LRRC3C: variants seen among roughly 807,000 people sequenced by gnomAD.
LRRC3C encodes the protein leucine-rich repeat-containing protein 3C.
In LRRC3C, 11 loss-of-function variants were observed where a neutral mutation model predicts 14.8. The observed-to-expected ratio is 0.74, with a 90% CI of 0.47 to 1.23. The LOEUF is 1.23. Among genes scored for constraint, LRRC3C ranks in the 50% most tolerant of loss-of-function variants. The pLI is 0.00. For synonymous variants in LRRC3C, 149 were observed against 161.5 expected (o/e 0.92, Z 0.59); for missense variants, 354 against 361.8 (o/e 0.98, Z 0.18).
intron 1 of LRRC3C, among the ~76,000 whole-genome samples, chr17:39,932,537 C>CG (rs1207393925): frequency 1.5e-5 from 2 of 137,538 alleles, no homozygotes; most frequent in African/African-American, 5.4e-5. Context: ...ACCCCCCCCC[C>CG]ACCCAACCAC....
Position 39,941,539 on chromosome 17 carries a change from TC to T in LRRC3C, c.17del (p.Ser6PhefsTer30). 1 of 1,535,766 alleles carries T rather than the reference TC, an allele frequency of 6.5e-7. No homozygotes were observed. The highest frequency in any genetic ancestry group is 8.7e-7 in the Non-Finnish European group (1 of 1,146,740). On this transcript the variant is annotated frameshift_variant, in exon 3 of 4. Coordinates refer to ENST00000377924, the MANE Select transcript of LRRC3C (RefSeq NM_001195545.2). LOFTEE classifies it high-confidence loss of function. Reference protein sequence around the residue: MRMTSSSFVSYCTPGL... With the variant: MRMTSXSFVSYCTPGL... ...AAGGTCTCCAATGCGTATGACCTCA[TC>T]TTCCTTCGTGTAAGTATATCCACCC...
At chr17:39,941,814 T>C (rs1978949107) in intron 3 of LRRC3C, among the ~76,000 whole-genome samples, 2 of 152,200 alleles carry the variant, frequency 1.3e-5, no homozygotes, top group Admixed American at 6.5e-5. Flanking sequence ...GTAACTCTGG[T>C]CACATTCTGG....
rs1226157498 is a variant in LRRC3C, at chr17:39,941,567, T to C, written c.26+18T>C. On this transcript the variant is annotated intron_variant, in intron 3 of 3. Transcript: ENST00000377924. ...TCCTTCGTGTAAGTATATCCACCCC[T>C]AGTCTCTGTGACACCCCACTCTCCT... 2.0e-6 allele frequency: 3 copies of C among 1,534,460 alleles called. No homozygotes were observed. The highest frequency in any genetic ancestry group is 2.6e-6 in the Non-Finnish European group (3 of 1,145,566).
At chr17:39,931,677 TCTCA>T (rs1978655415) in intron 1 of LRRC3C, among the ~76,000 whole-genome samples, 1 of 140,542 alleles carries the variant, frequency 7.1e-6, no homozygotes, top group Non-Finnish European at 1.5e-5. Context: ...TGAGACAGAG[TCTCA>T]CTCTGTCACC....
chr17:39,940,749 TTCTTTTTTTTGAGACAGGG>T lies in LRRC3C; in HGVS notation c.-81-689_-81-671del, dbSNP rs371458012. On this transcript the variant is annotated intron_variant, in intron 2 of 3. Transcript: ENST00000377924. ...TGAGCCACTGCACCCAGCCTTGAAA[TTCTTTTTTTTGAGACAGGG>T]TCTTAATGCGTCACCTAGGCTGGAG... 6.0e-3 allele frequency among the ~76,000 whole-genome samples: 912 copies of T among 152,088 alleles called. 10 individuals carry two copies. Among genetic ancestry groups the T allele is most frequent in the African/African-American group, 0.021 (877 of 41,504 alleles).
At chr17:39,932,527 A>ACCCCCCCCCCCCCCCCCCCC (rs147624649) in intron 1 of LRRC3C, among the ~76,000 whole-genome samples, 1 of 71,314 alleles carries the variant, frequency 1.4e-5, no homozygotes, top group Non-Finnish European at 2.8e-5. Flanking sequence ...ACGTAATGAG[A>ACCCCCCCCCCCCCCCCCCCC]CCCCCCCCCC....
At chr17:39,936,623 C>T (rs1227385195) in intron 2 of LRRC3C, among the ~76,000 whole-genome samples, 3 of 149,212 alleles carry the variant, frequency 2.0e-5, no homozygotes, top group African/African-American at 5.0e-5. Context: ...CTCAATATGA[C>T]CAAACCTCAT....
intron 3 of LRRC3C, among the ~76,000 whole-genome samples, chr17:39,942,906 A>G (rs375108530): frequency 6.6e-5 from 10 of 152,314 alleles, no homozygotes; most frequent in East Asian, 3.9e-4. Context: ...CCAAGCAGGG[A>G]TCCTTCTGCC....
intron 2 of LRRC3C, among the ~76,000 whole-genome samples, chr17:39,937,326 C>T (rs1017461057): frequency 1.3e-5 from 2 of 151,990 alleles, no homozygotes; most frequent in African/African-American, 2.4e-5. Context: ...ATCCCAGCTA[C>T]TCCGGAGGCT....
chr17:39,930,644 G>A (rs972440176), intron 1 of LRRC3C, among the ~76,000 whole-genome samples: 20 of 128,636 alleles, frequency 1.6e-4, no homozygotes, highest in African/African-American at 5.9e-4. Flanking sequence ...GGAGGCAGAG[G>A]TTGTAGTGAG....
chr17:39,937,889 T>C (rs1392165537), intron 2 of LRRC3C, among the ~76,000 whole-genome samples: 4 of 152,092 alleles, frequency 2.6e-5, no homozygotes, highest in Non-Finnish European at 5.9e-5. Context: ...CCCAGCACTT[T>C]GGGAGGCTGA....
At chr17:39,930,713 A>C (rs2058610044) in intron 1 of LRRC3C, among the ~76,000 whole-genome samples, 1 of 150,968 alleles carries the variant, frequency 6.6e-6, no homozygotes, top group Non-Finnish European at 1.5e-5. Flanking sequence ...TGTCTCAAAA[A>C]AAAAAAAAAA....
intron 2 of LRRC3C, among the ~76,000 whole-genome samples, chr17:39,938,192 C>T (rs1425517824): frequency 6.6e-6 from 1 of 152,146 alleles, no homozygotes; most frequent in African/African-American, 2.4e-5. Context: ...CAGGCATCAG[C>T]AGTTTTCAAA....
rs183381164 is a variant in LRRC3C, at chr17:39,933,748, A to G, written c.-174-2054A>G. 1.2e-4 allele frequency among the ~76,000 whole-genome samples: 19 copies of G among 152,234 alleles called. No homozygotes were observed. The East Asian group carries it at 3.7e-3, about 29-fold the overall frequency. On this transcript the variant is annotated intron_variant, in intron 1 of 3. Transcript: ENST00000377924. The stretch of plus-strand genomic sequence containing the variant: ...ACTCCGTCTCAAAAAAAAAGAAAAG[A>G]AAAAAGAAACAGAGCCCCTTCCCCT...
rs1227778035 is a variant in LRRC3C at position 39,944,803 on chromosome 17, C to G, written c.*69C>G. On this transcript the variant is annotated 3_prime_UTR_variant, in exon 4 of 4. Transcript: ENST00000377924. The stretch of plus-strand genomic sequence containing the variant: ...TATGCCCTCTCCTTTGCTCTGACCC[C>G]CTCTGCCTCCTGTGCAGCTTCACCC... 1.5e-5 allele frequency: 21 copies of G among 1,410,918 alleles called. No individual in the cohort carries two copies. The highest frequency in any genetic ancestry group is 1.8e-5 in the Non-Finnish European group (19 of 1,044,188). 87.4% of individuals were successfully genotyped at this position (1,410,918 alleles called of 1,614,324 possible).
intron 2 of LRRC3C, among the ~76,000 whole-genome samples, chr17:39,936,606 C>G (rs1306363319): frequency 6.7e-6 from 1 of 149,746 alleles, no homozygotes; most frequent in Non-Finnish European, 1.5e-5. Context: ...AGTTTGAAAC[C>G]AGCCTGCTCA....
In LRRC3C at chr17:39,939,462, C is replaced by T. The variant is rs756887619; in HGVS notation, c.-81-1981C>T. ...TCGTTAGACATACCTGAGGAGCTTT[C>T]GAAAGAAACCAGTGCCTAGACCCCA... On this transcript the variant is annotated intron_variant, in intron 2 of 3. Coordinates refer to ENST00000377924, the MANE Select transcript of LRRC3C (RefSeq NM_001195545.2). The T allele has an allele frequency of 4.9e-5, 46 of 943,584 alleles. No individual in the cohort carries two copies. In the African/African-American group the frequency reaches 5.2e-4, roughly 11 times the overall value. The allele number at this position is 943,584 out of a possible 1,614,324, so 58.5% of individuals were successfully genotyped here. A position where few individuals can be genotyped will look rare whatever the true frequency, so the allele number is the denominator to read the frequency against.
Position 39,927,776 on chromosome 17 carries a change from T to C in LRRC3C, c.-213T>C, listed in dbSNP as rs1476615741. ...TTCGGGGACGCACGGTTGGAAGTTG[T>C]ACCGTGACGTGATGGTCAGATCGGA... On this transcript the variant is annotated 5_prime_UTR_variant, in exon 1 of 4. Transcript: ENST00000377924. 1.9e-5 allele frequency: 19 copies of C among 985,388 alleles called. No homozygotes were observed. Among genetic ancestry groups the C allele is most frequent in the Non-Finnish European group, 2.3e-5 (19 of 829,970 alleles). 61.0% of individuals were successfully genotyped at this position (985,388 alleles called of 1,614,324 possible).
At chr17:39,940,755 T>C (rs72832964) in intron 2 of LRRC3C, among the ~76,000 whole-genome samples, 15,764 of 150,464 alleles carry the variant, frequency 0.1, 928 homozygotes, top group African/African-American at 0.12. Flanking sequence ...GAAATTCTTT[T>C]TTTTGAGACA....
Sources: gnomAD v4.1 joint callset for allele counts (sites outside exome capture counted in the v4.1 genomes callset) on GRCh38, gnomAD v4.1.1 for gene constraint, MANE v1.5 for transcripts, NCBI Gene and HGNC (gene_info 2026-07-23, HGNC 2026-07-21) for gene names.